Variants in TSHZ2 observed in about 807,000 individuals in gnomAD.
TSHZ2 encodes teashirt homolog 2.
TSHZ2 carries 21 observed loss-of-function variants against 74.4 expected under a neutral mutation model. That is an observed-to-expected ratio of 0.28 (90% CI 0.20 to 0.41). The LOEUF is 0.41. TSHZ2 is among the 10% of genes least tolerant of loss of function. The probability of loss-of-function intolerance (pLI) is 1.00; values close to 1 mark genes in which losing one functional copy is unlikely to be tolerated. For missense variants in TSHZ2, 1,244 were observed against 1,293.5 expected, an observed-to-expected ratio of 0.96 and a Z score of 0.59; for synonymous variants, 540 against 515.3, an observed-to-expected ratio of 1.05 and a Z score of -0.65.
chr20:53,144,230 A>G (rs1340845752), intron 1 of TSHZ2, among the ~76,000 whole-genome samples: 1 of 152,230 alleles, frequency 6.6e-6, no homozygotes, highest in Non-Finnish European at 1.5e-5. Flanking sequence ...CTCCTAAACC[A>G]TAGTTTCTAA....
At chr20:53,204,495 C>T (rs1405943412) in intron 1 of TSHZ2, among the ~76,000 whole-genome samples, 1 of 151,254 alleles carries the variant, frequency 6.6e-6, no homozygotes, top group Non-Finnish European at 1.5e-5. Flanking sequence ...AAATCAATTT[C>T]ACTTATTTCT....
At chr20:53,185,455 A>G in intron 1 of TSHZ2, 1 of 1,350,774 alleles carries the variant, frequency 7.4e-7, no homozygotes, top group Non-Finnish European at 9.5e-7. Context: ...CAGGCAGATC[A>G]GATCATGAGG....
At chr20:53,052,419 G>C (rs1029913714) in intron 1 of TSHZ2, among the ~76,000 whole-genome samples, 1 of 152,158 alleles carries the variant, frequency 6.6e-6, no homozygotes, top group Non-Finnish European at 1.5e-5. Context: ...TGCGTGTGAG[G>C]GATCTAGGTT....
chr20:53,422,227 T>G lies in TSHZ2; in HGVS notation c.*9-64917T>G, dbSNP rs1214567031. On this transcript the variant is annotated intron_variant, in intron 2 of 2. Transcript: ENST00000371497. ...CAAGCCAATGTCTGCCAGGGAAGAT[T>G]AAAGTGTGTGCATGCTGACCCTTCC... Among the ~76,000 whole-genome samples, 5 of 152,298 alleles carry G rather than the reference T, an allele frequency of 3.3e-5. No homozygotes were observed. The East Asian group carries it at 9.7e-4, about 29-fold the overall frequency.
At chr20:53,084,667 T>TTCTCTCCC (rs1245330504) in intron 1 of TSHZ2, among the ~76,000 whole-genome samples, 1 of 59,256 alleles carries the variant, frequency 1.7e-5, no homozygotes, top group Non-Finnish European at 3.1e-5. Context: ...CCTTCTCTCC[T>TTCTCTCCC]TCTCTCCCTC....
At chr20:53,415,088 C>G (rs1983190587) in intron 2 of TSHZ2, among the ~76,000 whole-genome samples, 1 of 152,180 alleles carries the variant, frequency 6.6e-6, no homozygotes. Context: ...AAGATAGTCA[C>G]TATTGTCATT....
rs540930203 is a variant in TSHZ2 at position 53,273,125 on chromosome 20, T to C, written c.*8+16554T>C. 1.2e-4 allele frequency among the ~76,000 whole-genome samples: 18 copies of C among 152,270 alleles called. No individual in the cohort carries two copies. In the East Asian group the frequency reaches 3.3e-3, roughly 28 times the overall value. On this transcript the variant is annotated intron_variant, in intron 2 of 2. Transcript: ENST00000371497. ...TGGGCATCCAGTGGTGGGACATGAA[T>C]TGTGGGATGAGCATGGGACAACTCA...
intron 1 of TSHZ2, among the ~76,000 whole-genome samples, chr20:53,095,663 G>A (rs970382576): frequency 1.3e-5 from 2 of 152,096 alleles, no homozygotes; most frequent in Non-Finnish European, 2.9e-5. Context: ...TTGACATTTA[G>A]GGCCAGATAA....
intron 1 of TSHZ2, among the ~76,000 whole-genome samples, chr20:53,046,528 A>G (rs915928021): frequency 9.2e-5 from 14 of 152,156 alleles, no homozygotes; most frequent in Non-Finnish European, 2.1e-4. Flanking sequence ...CAATGAAAAC[A>G]GTTGCTAGAA....
At chr20:53,172,649 C>A (rs1988228668) in intron 1 of TSHZ2, among the ~76,000 whole-genome samples, 1 of 152,216 alleles carries the variant, frequency 6.6e-6, no homozygotes, top group Non-Finnish European at 1.5e-5. Context: ...TAAATCCTCA[C>A]AACCATCCTG....
chr20:53,473,446 C>G (rs1232354032), intron 2 of TSHZ2, among the ~76,000 whole-genome samples: 2 of 139,946 alleles, frequency 1.4e-5, no homozygotes, highest in Non-Finnish European at 3.1e-5. Context: ...GGCTGAGGGT[C>G]CTGTCTGTTA....
chr20:53,187,748 A>T (rs1049118007), intron 1 of TSHZ2, among the ~76,000 whole-genome samples: 43 of 152,148 alleles, frequency 2.8e-4, no homozygotes, highest in African/African-American at 9.9e-4. Flanking sequence ...GAAAAAAAAA[A>T]ATATGTGCTT....
At chr20:53,228,762 C>T (rs1989747507) in intron 1 of TSHZ2, among the ~76,000 whole-genome samples, 2 of 151,156 alleles carry the variant, frequency 1.3e-5, no homozygotes, top group South Asian at 2.1e-4. Context: ...CCATTGGATG[C>T]CAGTGGCACC....
At chr20:53,388,830 G>A (rs926280638) in intron 2 of TSHZ2, among the ~76,000 whole-genome samples, 43 of 151,882 alleles carry the variant, frequency 2.8e-4, no homozygotes, top group Admixed American at 2.0e-3. Flanking sequence ...TGATCTGCCC[G>A]CCTTGGCCTC....
chr20:53,184,616 A>T (rs1266984409), intron 1 of TSHZ2, among the ~76,000 whole-genome samples: 2 of 152,234 alleles, frequency 1.3e-5, no homozygotes, highest in Admixed American at 1.3e-4. Flanking sequence ...ATTTAAACAC[A>T]AGACTGTAAT....
intron 1 of TSHZ2, among the ~76,000 whole-genome samples, chr20:53,062,340 G>C (rs1013667768): frequency 6.6e-6 from 1 of 152,100 alleles, no homozygotes; most frequent in Non-Finnish European, 1.5e-5. Flanking sequence ...GGAGGTTTTC[G>C]AGCACAAAAC....
At chr20:53,447,624 C>T (rs954197948) in intron 2 of TSHZ2, among the ~76,000 whole-genome samples, 2 of 152,188 alleles carry the variant, frequency 1.3e-5, no homozygotes, top group Admixed American at 6.5e-5. Context: ...TGTGTCCTTC[C>T]CTTTCCATCT....
chr20:53,338,944 G>A (rs1980067162), intron 2 of TSHZ2, among the ~76,000 whole-genome samples: 2 of 152,176 alleles, frequency 1.3e-5, no homozygotes, highest in African/African-American at 4.8e-5. Context: ...GGGAAGCACT[G>A]ATGAAGCCTT....
chr20:52,996,331 A>ATTTAT (rs1024852332), intron 1 of TSHZ2, among the ~76,000 whole-genome samples: 5 of 150,282 alleles, frequency 3.3e-5, no homozygotes, highest in Non-Finnish European at 7.4e-5. Flanking sequence ...TTATTTATTT[A>ATTTAT]TTTATTTATT....
Sources: gnomAD v4.1 joint callset for allele counts (sites outside exome capture counted in the v4.1 genomes callset) on GRCh38, gnomAD v4.1.1 for gene constraint, MANE v1.5 for transcripts, NCBI Gene and HGNC (gene_info 2026-07-23, HGNC 2026-07-21) for gene names.